FAM193A: variants seen among roughly 807,000 people sequenced by gnomAD.
FAM193A encodes protein FAM193A.
In FAM193A, 22 loss-of-function variants were observed where a neutral mutation model predicts 126.5. That is an observed-to-expected ratio of 0.17 (90% confidence interval 0.12 to 0.25). The LOEUF (loss-of-function observed/expected upper bound fraction) is 0.25. FAM193A is among the 10% of genes least tolerant of loss of function. The probability of loss-of-function intolerance (pLI) is 1.00; values close to 1 mark genes in which losing one functional copy is unlikely to be tolerated. For missense variants in FAM193A, 1,675 were observed against 1,672.8 expected, an observed-to-expected ratio of 1.00 and a Z score of -0.02; for synonymous variants, 761 against 646.8, an observed-to-expected ratio of 1.18 and a Z score of -2.68.
At chr4:2,590,668 C>G (rs1408066689) in intron 1 of FAM193A, among the ~76,000 whole-genome samples, 1 of 151,886 alleles carries the variant, frequency 6.6e-6, no homozygotes, top group Non-Finnish European at 1.5e-5. Flanking sequence ...TGTTGAGTGT[C>G]TAATGGGAAG....
At chr4:2,616,310 C>G (rs1461721825) in intron 2 of FAM193A, among the ~76,000 whole-genome samples, 1 of 152,138 alleles carries the variant, frequency 6.6e-6, no homozygotes, top group African/African-American at 2.4e-5. Flanking sequence ...AGCCACCTAG[C>G]CTTTTTTCAT....
intron 12 of FAM193A, among the ~76,000 whole-genome samples, chr4:2,668,558 C>G (rs747814099): frequency 1.3e-5 from 2 of 152,164 alleles, no homozygotes; most frequent in African/African-American, 4.8e-5. Flanking sequence ...TTACTACTGA[C>G]TTAATTCCAG....
intron 6 of FAM193A, among the ~76,000 whole-genome samples, chr4:2,640,095 A>G (rs1253237923): frequency 2.0e-5 from 3 of 152,226 alleles, no homozygotes; most frequent in Non-Finnish European, 4.4e-5. Context: ...CAAATTCCTC[A>G]TACAGAAAAG....
At position 2,681,514 on chromosome 4, in the gene FAM193A, G is replaced by A. The variant is rs905296816; in HGVS notation, c.2332-7992G>A. 4.6e-5 allele frequency among the ~76,000 whole-genome samples: 7 copies of A among 152,230 alleles called. No homozygotes were observed. The South Asian group carries it at 8.3e-4, about 18-fold the overall frequency. The stretch of plus-strand genomic sequence containing the variant: ...TGCCCAGCCTGGAGTGTAGTGGTGC[G>A]ATCTTGGGTCACTGCAACCTCGACC... On this transcript the variant is annotated intron_variant, in intron 13 of 20. Transcript: ENST00000637812.
chr4:2,708,121 T>C, intron 19 of FAM193A: 1 of 442,820 alleles, frequency 2.3e-6, no homozygotes, highest in Non-Finnish European at 4.5e-6. Flanking sequence ...TATTGATTTT[T>C]GTTTGTTTGT....
chr4:2,572,895 T>C (rs1158861621), intron 1 of FAM193A, among the ~76,000 whole-genome samples: 1 of 143,594 alleles, frequency 7.0e-6, no homozygotes, highest in Non-Finnish European at 1.5e-5. Context: ...ACAGTGGCGA[T>C]GGGGGTGAGA....
chr4:2,586,344 C>T (rs999718475), intron 1 of FAM193A, among the ~76,000 whole-genome samples: 2 of 152,028 alleles, frequency 1.3e-5, no homozygotes, highest in African/African-American at 4.8e-5. Context: ...TACCCAAGGT[C>T]ATGAGGATAT....
intron 4 of FAM193A, among the ~76,000 whole-genome samples, chr4:2,626,994 G>A (rs1275888342): frequency 6.6e-6 from 1 of 152,042 alleles, no homozygotes; most frequent in Non-Finnish European, 1.5e-5. Context: ...TGGGTAGCTT[G>A]TGTATGTGCC....
chr4:2,587,867 C>T (rs1347101929), intron 1 of FAM193A, among the ~76,000 whole-genome samples: 2 of 151,998 alleles, frequency 1.3e-5, no homozygotes, highest in African/African-American at 4.8e-5. Context: ...AGCATATTTG[C>T]ATCCTAATGG....
intron 2 of FAM193A, among the ~76,000 whole-genome samples, chr4:2,618,540 G>C (rs1287527854): frequency 6.7e-6 from 1 of 149,956 alleles, no homozygotes; most frequent in Non-Finnish European, 1.5e-5. Flanking sequence ...TGATTCTCCT[G>C]CCTCAGCATC....
chr4:2,593,064 A>C (rs1278351360), intron 1 of FAM193A, among the ~76,000 whole-genome samples: 1 of 152,088 alleles, frequency 6.6e-6, no homozygotes, highest in Non-Finnish European at 1.5e-5. Context: ...GACTCTTCCC[A>C]AACAACCCTC....
intron 4 of FAM193A, among the ~76,000 whole-genome samples, chr4:2,628,951 C>T (rs1281786170): frequency 6.6e-6 from 1 of 151,034 alleles, no homozygotes; most frequent in African/African-American, 2.4e-5. Context: ...CTGGCGGGTT[C>T]ATGCCATTCT....
At chr4:2,665,105 C>A (rs547604535) in intron 12 of FAM193A, among the ~76,000 whole-genome samples, 1 of 152,186 alleles carries the variant, frequency 6.6e-6, no homozygotes, top group African/African-American at 2.4e-5. Context: ...GTCTTCTAAT[C>A]TGTGAATATG....
chr4:2,699,074 T>C (rs995884316), intron 18 of FAM193A, among the ~76,000 whole-genome samples: 4 of 152,212 alleles, frequency 2.6e-5, no homozygotes, highest in Non-Finnish European at 5.9e-5. Context: ...ATTTTGATAC[T>C]TTTTGTAGAG....
chr4:2,617,241 T>G (rs1203937217), intron 2 of FAM193A, among the ~76,000 whole-genome samples: 34 of 13,944 alleles, frequency 2.4e-3, no homozygotes, highest in Non-Finnish European at 4.1e-3. Flanking sequence ...ATGTTTTTAT[T>G]ATATATATAT....
chr4:2,609,648 C>T (rs753620438), intron 2 of FAM193A, among the ~76,000 whole-genome samples: 1 of 152,178 alleles, frequency 6.6e-6, no homozygotes, highest in Non-Finnish European at 1.5e-5. Context: ...CCACCGTGCA[C>T]GGCGGCCTAG....
chr4:2,571,566 A>T (rs1054804486), intron 1 of FAM193A, among the ~76,000 whole-genome samples: 2 of 151,434 alleles, frequency 1.3e-5, no homozygotes, highest in Non-Finnish European at 2.9e-5. Context: ...TTTGACACAG[A>T]GTTTCGCTCT....
chr4:2,592,773 C>T (rs979610323), intron 1 of FAM193A, among the ~76,000 whole-genome samples: 4 of 152,162 alleles, frequency 2.6e-5, no homozygotes, highest in Admixed American at 6.5e-5. Flanking sequence ...GAAGGAAGAG[C>T]TCTGCATAGG....
chr4:2,674,737 C>T (rs1032213062), intron 13 of FAM193A, among the ~76,000 whole-genome samples: 1 of 151,574 alleles, frequency 6.6e-6, no homozygotes, highest in African/African-American at 2.4e-5. Context: ...TGGTAGCTCA[C>T]GCCTGTAATC....
Sources: gnomAD v4.1 joint callset for allele counts (sites outside exome capture counted in the v4.1 genomes callset) on GRCh38, gnomAD v4.1.1 for gene constraint, MANE v1.5 for transcripts, NCBI Gene and HGNC (gene_info 2026-07-23, HGNC 2026-07-21) for gene names.